The following DGLUCY variants were observed in gnomAD, a reference collection of about 807,000 sequenced individuals.
The protein encoded by DGLUCY is D-glutamate cyclase, also known as D-glutamate cyclase, mitochondrial.
In DGLUCY, 58 loss-of-function variants were observed where a neutral mutation model predicts 58.5. That is an observed-to-expected ratio of 0.99 (90% CI 0.80 to 1.23). The LOEUF is 1.23. DGLUCY is among the 50% of genes most tolerant of loss of function. The pLI is 0.00. For missense variants in DGLUCY, 779 were observed against 784.7 expected (o/e 0.99, Z 0.09); for synonymous variants, 325 against 314.1 (o/e 1.03, Z -0.37).
chr14:91,181,275 G>C lies in DGLUCY; in HGVS notation c.820G>C (p.Glu274Gln). The change falls in exon 8 of 14, where the codon GAG becomes CAG. Residue 274 changes from glutamate to glutamine, a missense_variant. Coordinates refer to ENST00000256324, the MANE Select transcript of DGLUCY (RefSeq NM_001102368.3). ...GGCTCCACCTGGTTGTCTCACCCCA[G>C]AGAGAATTCCAGAGGTCCATCACAT... ...AKAPPGCLTPERIPEVHHISQ... is the reference protein window; with the variant it reads ...AKAPPGCLTPQRIPEVHHISQ... The C allele has an allele frequency of 1.9e-6, 3 of 1,614,132 alleles. No homozygotes were observed. The South Asian group carries it at 3.3e-5, about 18-fold the overall frequency.
intron 1 of DGLUCY, among the ~76,000 whole-genome samples, chr14:91,070,288 A>C (rs986978975): frequency 2.0e-5 from 3 of 152,152 alleles, no homozygotes; most frequent in Non-Finnish European, 2.9e-5. Context: ...TCTAGATTAG[A>C]ACCCAGAGAG....
At chr14:91,192,726 C>T (rs1440938425) in intron 9 of DGLUCY, among the ~76,000 whole-genome samples, 4 of 152,180 alleles carry the variant, frequency 2.6e-5, no homozygotes, top group Non-Finnish European at 5.9e-5. Context: ...ATCGCTTGAA[C>T]CCTGACAGTG....
At chr14:91,104,369 T>C (rs920273167), upstream of DGLUCY, among the ~76,000 whole-genome samples, 8 of 152,172 alleles carry the variant, frequency 5.3e-5, no homozygotes, top group South Asian at 1.7e-3. Context: ...GCCGAGAACA[T>C]TCTTTATTGT....
At chr14:91,220,937 C>T (rs549985870) in intron 13 of DGLUCY, among the ~76,000 whole-genome samples, 3 of 152,326 alleles carry the variant, frequency 2.0e-5, no homozygotes, top group South Asian at 4.1e-4. Context: ...GCTAAGGAAA[C>T]GTGGGGCTCA....
rs575812386 is a variant in DGLUCY at position 91,130,368 on chromosome 14, T to TCAGCAAC, written c.-82+16094_-82+16100dup. Reference sequence around the variant, plus strand: ...GAGGCTGGAGTGCAGTGGCATGATCTCAGCAACCAGCAACCTGCAACCTCC... The same window carrying TCAGCAAC: ...GAGGCTGGAGTGCAGTGGCATGATCTCAGCAACCAGCAACCAGCAACCTGCAACCTCC... On this transcript the variant is annotated intron_variant, in intron 1 of 13. Transcript: ENST00000256324. Among the ~76,000 whole-genome samples, 408 of 150,538 alleles carry TCAGCAAC rather than the reference T, an allele frequency of 2.7e-3. 1 individual carries two copies. Among genetic ancestry groups the TCAGCAAC allele is most frequent in the Non-Finnish European group, 4.5e-3 (305 of 67,584 alleles).
Position 91,199,814 on chromosome 14 carries a change from C to CA in DGLUCY, c.1355dup (p.Asn452LysfsTer12). 1 of 1,614,190 alleles carries CA rather than the reference C, an allele frequency of 6.2e-7. No homozygotes were observed. The highest frequency in any genetic ancestry group is 8.5e-7 in the Non-Finnish European group (1 of 1,180,042). On this transcript the variant is annotated frameshift_variant, in exon 11 of 14. Coordinates refer to ENST00000256324, the MANE Select transcript of DGLUCY (RefSeq NM_001102368.3). LOFTEE classifies it high-confidence loss of function. The stretch of plus-strand genomic sequence containing the variant: ...GAAGAGCTGCTGATGGCAATTACTA[C>CA]AATGCAAGGAAGATGAACATCAAGC...
chr14:91,085,574 T>G lies in DGLUCY; in HGVS notation c.-82+24870T>G, dbSNP rs372101432. Among the ~76,000 whole-genome samples, 43 of 151,614 alleles carry G rather than the reference T, an allele frequency of 2.8e-4. 1 individual carries two copies. The highest frequency in any genetic ancestry group is 8.3e-4 in the South Asian group (4 of 4,808). On this transcript the variant is annotated intron_variant, in intron 1 of 4. Coordinates refer to the DGLUCY transcript ENST00000521334. Reference sequence around the variant, plus strand: ...TTTGTTTTTTTTTTGTTTTTTTTTTTTTTTAGTATGTGTGTGACGGAGTCT... The same window carrying G: ...TTTGTTTTTTTTTTGTTTTTTTTTTGTTTTAGTATGTGTGTGACGGAGTCT...
At chr14:91,220,378 C>T (rs1025479804) in intron 13 of DGLUCY, 3 of 416,222 alleles carry the variant, frequency 7.2e-6, no homozygotes, top group Non-Finnish European at 1.5e-5. Context: ...CAATAAATGC[C>T]AACCGTCATT....
intron 1 of DGLUCY, among the ~76,000 whole-genome samples, chr14:91,095,208 C>T (rs954060016): frequency 6.6e-6 from 1 of 152,160 alleles, no homozygotes; most frequent in South Asian, 2.1e-4. Context: ...CTTCTAGAAC[C>T]GCTTTCCTTC....
At chr14:91,146,073 A>G (rs1363033331) in intron 1 of DGLUCY, among the ~76,000 whole-genome samples, 2 of 152,136 alleles carry the variant, frequency 1.3e-5, no homozygotes, top group African/African-American at 4.8e-5. Context: ...GGGTCTCACC[A>G]TGTTGCTCAG....
At chr14:91,209,404 T>C (rs1885303840) in intron 12 of DGLUCY, among the ~76,000 whole-genome samples, 2 of 151,102 alleles carry the variant, frequency 1.3e-5, no homozygotes. Context: ...AATGCCACAG[T>C]GAACTTAAAA....
chr14:91,077,184 C>G (rs1369480352), intron 1 of DGLUCY, among the ~76,000 whole-genome samples: 1 of 150,928 alleles, frequency 6.6e-6, no homozygotes, highest in Non-Finnish European at 1.5e-5. Flanking sequence ...AGGTGAAGGT[C>G]GCAGTGAGCC....
chr14:91,104,273 A>G (rs930403477), upstream of DGLUCY, among the ~76,000 whole-genome samples: 2 of 151,740 alleles, frequency 1.3e-5, no homozygotes, highest in South Asian at 2.1e-4. Context: ...CGTGTTAGCC[A>G]GGATAGTCTC....
intron 1 of DGLUCY, among the ~76,000 whole-genome samples, chr14:91,077,404 AAAAG>A (rs536964394): frequency 3.7e-4 from 52 of 142,042 alleles, no homozygotes; most frequent in East Asian, 3.2e-3. Context: ...GGAGAGAAAG[AAAAG>A]AAAGAAAGAA....
intron 1 of DGLUCY, among the ~76,000 whole-genome samples, chr14:91,071,922 A>G (rs1179119921): frequency 6.6e-6 from 1 of 152,106 alleles, no homozygotes; most frequent in Admixed American, 6.6e-5. Context: ...CTGTGAACAT[A>G]ATTATACACC....
At chr14:91,111,717 A>G (rs925519894), upstream of DGLUCY, among the ~76,000 whole-genome samples, 2 of 152,256 alleles carry the variant, frequency 1.3e-5, no homozygotes, top group African/African-American at 2.4e-5. Context: ...TGGGGCCTCA[A>G]TGCCATCATT....
At chr14:91,152,833 C>A (rs1303545823) in intron 1 of DGLUCY, among the ~76,000 whole-genome samples, 1 of 152,156 alleles carries the variant, frequency 6.6e-6, no homozygotes, top group Non-Finnish European at 1.5e-5. Context: ...ATAATAGGAT[C>A]TTCTTGACTG....
At chr14:91,204,646 T>C (rs1884221676) in intron 11 of DGLUCY, 60 bp from the exon 12 acceptor site, 1 of 1,592,476 alleles carries the variant, frequency 6.3e-7, no homozygotes, top group African/African-American at 1.3e-5. Context: ...GCTGCCTTGC[T>C]TCAGGCCTCC....
In DGLUCY at chr14:91,170,186, G is replaced by C. The variant is rs1474300509; in HGVS notation, c.441G>C (p.Gln147His). The C allele has an allele frequency of 1.9e-6, 3 of 1,613,608 alleles. No individual in the cohort carries two copies. In the East Asian group the frequency reaches 6.7e-5, roughly 36 times the overall value. The change falls in exon 5 of 14, where the codon CAG (glutamine) becomes CAC (histidine). Residue 147 changes from glutamine to histidine, a missense_variant. Coordinates refer to ENST00000256324, the MANE Select transcript of DGLUCY (RefSeq NM_001102368.3). ...LPRRDPAGHS[Q>H]AGAYKTTVPC... ...GAAGAGACCCAGCAGGTCACAGCCA[G>C]GCGGGTGCATACAAGGTAGGGACAC...
Sources: allele counts gnomAD v4.1 joint callset (sites outside exome capture counted in the v4.1 genomes callset), GRCh38; gene constraint gnomAD v4.1.1; transcripts MANE v1.5; gene names NCBI Gene and HGNC (gene_info 2026-07-23, HGNC 2026-07-21).